Variants in CCNB2 observed in about 807,000 individuals in gnomAD.
CCNB2 encodes the protein cyclin B2, also known as G2/mitotic-specific cyclin-B2.
Under a neutral mutation model 51.1 loss-of-function variants are expected in CCNB2, and 39 were observed. The observed-to-expected ratio is 0.76, with a 90% CI of 0.59 to 1.00. CCNB2 has a LOEUF of 1.00. Ranked by LOEUF, CCNB2 falls within the 50% of genes least tolerant of loss-of-function variation. The pLI is 0.00. For synonymous variants in CCNB2, 174 were observed against 165.5 expected (o/e 1.05, Z -0.40); for missense variants, 472 against 470.3 (o/e 1.00, Z -0.03).
At chr15:59,107,200 A>G (rs1362521695) in intron 1 of CCNB2, 122 bp from the exon 2 acceptor site, 2 of 856,310 alleles carry the variant, frequency 2.3e-6, no homozygotes, top group Non-Finnish European at 3.5e-6. Flanking sequence ...TACCTTTTCC[A>G]TCTTGCAAAT....
At chr15:59,112,068 C>T (rs564308933) in intron 3 of CCNB2, among the ~76,000 whole-genome samples, 1 of 151,856 alleles carries the variant, frequency 6.6e-6, no homozygotes, top group African/African-American at 2.4e-5. Context: ...CCCAAGCTGG[C>T]CTCAAACTCC....
chr15:59,112,124 T>C (rs1176499113), intron 3 of CCNB2, among the ~76,000 whole-genome samples: 1 of 152,126 alleles, frequency 6.6e-6, no homozygotes, highest in East Asian at 1.9e-4. Context: ...AATGCTGGGA[T>C]TACAGGTGTG....
In CCNB2 at chr15:59,117,164, G is replaced by A. The variant is rs2079282549; in HGVS notation, c.835-64G>A. On this transcript the variant is annotated intron_variant, in intron 6 of 8. Transcript: ENST00000288207. Reference sequence around the variant, plus strand: ...TGAATTGGAGTTCCTAGGCCTTCACGCAGAATTTTGCAAGACAGTAATTAC... The same window carrying A: ...TGAATTGGAGTTCCTAGGCCTTCACACAGAATTTTGCAAGACAGTAATTAC... The A allele has an allele frequency of 1.0e-5, 16 of 1,546,644 alleles. No individual in the cohort carries two copies. In the South Asian group the frequency reaches 1.5e-4, roughly 14 times the overall value.
At chr15:59,118,507 ACCC>A (rs2079288292) in intron 7 of CCNB2, among the ~76,000 whole-genome samples, 2 of 152,012 alleles carry the variant, frequency 1.3e-5, no homozygotes. Flanking sequence ...ACATGGCAAA[ACCC>A]CCGTCTCTAC....
chr15:59,117,150 T>G, intron 6 of CCNB2, 78 bp from the exon 7 acceptor site: 2 of 1,429,954 alleles, frequency 1.4e-6, no homozygotes, highest in Non-Finnish European at 1.9e-6. Context: ...GAATTGGAGT[T>G]CCTAGGCCTT....
At position 59,123,691 on chromosome 15, in the gene CCNB2, GGC is replaced by G. The variant is rs200141282; in HGVS notation, c.1086+66_1086+67del. On this transcript the variant is annotated intron_variant, in intron 8 of 8. Transcript: ENST00000288207. Reference sequence around the variant, plus strand: ...GGTTCTGGGTTTTGTGTGTATGTTGGGCGGGGGGGGGCGGTGTGTGCCGTCAT... The same window carrying G: ...GGTTCTGGGTTTTGTGTGTATGTTGGGGGGGGGGGCGGTGTGTGCCGTCAT... 1,775 of 782,062 alleles carry G rather than the reference GGC, an allele frequency of 2.3e-3. 39 individuals carry two copies. The African/African-American group carries it at 0.023, about 10-fold the overall frequency. 48.4% of individuals were successfully genotyped at this position (782,062 alleles called of 1,614,324 possible).
In CCNB2 at chr15:59,107,577, T is replaced by A. The variant is rs1308851596; in HGVS notation, c.174T>A (p.Val58=). The change falls in exon 3 of 9, where the codon GTT becomes GTA. Residue 58 remains valine (V), a synonymous_variant. Transcript: ENST00000288207. ...TATAGAAAGCTCAGAACACCAAAGTTCCAGTTCAACCCACCAAAACAACAA... is the reference window on the plus strand; with the variant it reads ...TATAGAAAGCTCAGAACACCAAAGTACCAGTTCAACCCACCAAAACAACAA... ...QVAKKAQNTK[V]PVQPTKTTNV... The A allele has an allele frequency of 2.5e-6, 4 of 1,614,048 alleles. No individual in the cohort carries two copies. The highest frequency in any genetic ancestry group is 3.4e-6 in the Non-Finnish European group (4 of 1,180,042).
At chr15:59,119,475 A>C (rs1287151900) in intron 7 of CCNB2, among the ~76,000 whole-genome samples, 62 of 150,614 alleles carry the variant, frequency 4.1e-4, no homozygotes, top group Non-Finnish European at 7.5e-4. Context: ...AAAAAAAAAA[A>C]AACAAATCTG....
intron 6 of CCNB2, 92 bp downstream of exon 6, chr15:59,117,018 C>A: frequency 1.8e-6 from 2 of 1,140,750 alleles, no homozygotes; most frequent in South Asian, 1.4e-5. Context: ...ATTTATAGGA[C>A]GCTTCCTTTA....
At chr15:59,113,044 A>T (rs1014762246) in intron 3 of CCNB2, among the ~76,000 whole-genome samples, 1 of 152,002 alleles carries the variant, frequency 6.6e-6, no homozygotes, top group Non-Finnish European at 1.5e-5. Context: ...AAAAAAAAAA[A>T]CATTTAAAAA....
At chr15:59,121,959 AAAGG>A (rs1210287251) in intron 7 of CCNB2, among the ~76,000 whole-genome samples, 21 of 143,842 alleles carry the variant, frequency 1.5e-4, no homozygotes, top group African/African-American at 3.9e-4. Flanking sequence ...AAAAAAAAAA[AAAGG>A]AGAAATTACC....
Position 59,124,972 on chromosome 15 carries a change from A to C in CCNB2, c.*95A>C, listed in dbSNP as rs2140292732. 29 of 652,554 alleles carry C rather than the reference A, an allele frequency of 4.4e-5. No individual in the cohort carries two copies. Among genetic ancestry groups the C allele is most frequent in the Non-Finnish European group, 5.5e-5 (22 of 401,396 alleles). 40.4% of individuals were successfully genotyped at this position (652,554 alleles called of 1,614,324 possible). A position where few individuals can be genotyped will look rare whatever the true frequency, so the allele number is the denominator to read the frequency against. On this transcript the variant is annotated 3_prime_UTR_variant, in exon 9 of 9. Transcript: ENST00000288207. ...TGTACATAGTCCTCTGGTCTATCTC[A>C]TGAAACCTCTTCTCAGACCAGTTTT...
At chr15:59,109,031 G>A (rs1441977095) in intron 3 of CCNB2, among the ~76,000 whole-genome samples, 1 of 152,172 alleles carries the variant, frequency 6.6e-6, no homozygotes, top group African/African-American at 2.4e-5. Flanking sequence ...CACATCGCAG[G>A]AGGGCGATTT....
intron 8 of CCNB2, 185 bp downstream of exon 8, chr15:59,123,812 C>A (rs1227099195): frequency 9.3e-6 from 5 of 536,568 alleles, no homozygotes; most frequent in Non-Finnish European, 1.0e-5. Context: ...ACTGATAAAC[C>A]CTGAAAGCAA....
At chr15:59,116,536 G>T (rs201274440) in intron 5 of CCNB2, among the ~76,000 whole-genome samples, 154 bp from the exon 6 acceptor site, 1 of 77,868 alleles carries the variant, frequency 1.3e-5, no homozygotes, top group African/African-American at 4.3e-5. Context: ...ACAGATAGCT[G>T]TCATGATCAG....
At chr15:59,114,899 C>G in intron 5 of CCNB2, 23 bp downstream of exon 5, 1 of 1,595,682 alleles carries the variant, frequency 6.3e-7, no homozygotes, top group African/African-American at 1.3e-5. Context: ...TCAGGGACTT[C>G]ACGCCAGTGG....
chr15:59,108,409 A>G (rs1226806484), intron 3 of CCNB2, among the ~76,000 whole-genome samples: 1 of 152,182 alleles, frequency 6.6e-6, no homozygotes, highest in Non-Finnish European at 1.5e-5. Context: ...GTTAGGAGGT[A>G]TTGCACTTAT....
At position 59,105,231 on chromosome 15, in the gene CCNB2, C is replaced by T; in HGVS notation, c.-38C>T. 6.4e-7 allele frequency: 1 copy of T among 1,552,874 alleles called. No individual in the cohort carries two copies. Among genetic ancestry groups the T allele is most frequent in the Non-Finnish European group, 8.7e-7 (1 of 1,149,128 alleles). ...CCTCCCTTTTCAGTCCGCGTCCCTC[C>T]CTGGGCCGGGCTGGCACTCTTGCCT... is the stretch of plus-strand genomic sequence containing the variant. On this transcript the variant is annotated 5_prime_UTR_variant, in exon 1 of 9. Coordinates refer to ENST00000288207, the MANE Select transcript of CCNB2 (RefSeq NM_004701.4).
intron 8 of CCNB2, chr15:59,123,915 C>T: frequency 3.4e-6 from 1 of 292,730 alleles, no homozygotes; most frequent in South Asian, 4.7e-5. Context: ...TTACTCTGTG[C>T]TTATACTAGC....
Sources: allele counts gnomAD v4.1 joint callset (sites outside exome capture counted in the v4.1 genomes callset), GRCh38; gene constraint gnomAD v4.1.1; transcripts MANE v1.5; gene names NCBI Gene and HGNC (gene_info 2026-07-23, HGNC 2026-07-21).